Variants in KIR2DL1 observed in about 807,000 individuals in gnomAD.
The protein encoded by KIR2DL1 is killer cell immunoglobulin like receptor, two Ig domains and long cytoplasmic tail 1.
KIR2DL1 carries 38 observed loss-of-function variants against 33.9 expected under a neutral mutation model. That is an observed-to-expected ratio of 1.12 (90% confidence interval 0.86 to 1.47). KIR2DL1 has a LOEUF of 1.47. Among genes scored for constraint, KIR2DL1 ranks in the 40% most tolerant of loss-of-function variants. The probability of loss-of-function intolerance (pLI) is 0.00; values close to 1 mark genes in which losing one functional copy is unlikely to be tolerated. For missense variants in KIR2DL1, 531 were observed against 433.9 expected, an observed-to-expected ratio of 1.22 and a Z score of -1.99; for synonymous variants, 179 against 165.9, an observed-to-expected ratio of 1.08 and a Z score of -0.61.
Position 54,773,358 on chromosome 19 carries a change from G to A in KIR2DL1, c.96G>A (p.Leu32=). The change falls in exon 3 of 8, where the codon CTG becomes CTA. Residue 32 remains leucine, a synonymous_variant. Coordinates refer to ENST00000336077, the MANE Select transcript of KIR2DL1 (RefSeq NM_014218.3). ...HEGVHRKPSL[L]AHPGRLVKSE... Reference sequence around the variant, plus strand: ...GAGTCCACAGAAAACCTTCCCTCCTGGCCCACCCAGGTCGCCTGGTGAAAT... The same window carrying A: ...GAGTCCACAGAAAACCTTCCCTCCTAGCCCACCCAGGTCGCCTGGTGAAAT... 2 of 1,599,364 alleles carry A rather than the reference G, an allele frequency of 1.3e-6. No individual in the cohort carries two copies. Among genetic ancestry groups the A allele is most frequent in the South Asian group, 2.2e-5 (2 of 90,536 alleles).
intron 4 of KIR2DL1, among the ~76,000 whole-genome samples, chr19:54,777,578 C>A (rs1428285897): frequency 6.7e-6 from 1 of 149,284 alleles, no homozygotes; most frequent in Non-Finnish European, 1.5e-5. Context: ...TTAATCCCAT[C>A]TCAGATGCAT....
At chr19:54,774,298 G>A (rs1435330653) in intron 3 of KIR2DL1, among the ~76,000 whole-genome samples, 1 of 148,158 alleles carries the variant, frequency 6.7e-6, no homozygotes, top group African/African-American at 2.5e-5. Context: ...ATGAGCCAGA[G>A]GAAGGAGATT....
At chr19:54,773,163 G>A (rs948093081) in intron 2 of KIR2DL1, among the ~76,000 whole-genome samples, 170 bp from the exon 3 acceptor site, 1 of 148,454 alleles carries the variant, frequency 6.7e-6, no homozygotes, top group Non-Finnish European at 1.5e-5. Context: ...GAGTGAGGGA[G>A]ACAGATGGAA....
At position 54,775,358 on chromosome 19, in the gene KIR2DL1, C is replaced by T. The variant is rs2076204638; in HGVS notation, c.564C>T (p.Gly188=). 5.7e-6 allele frequency: 9 copies of T among 1,582,274 alleles called. No individual in the cohort carries two copies. Among genetic ancestry groups the T allele is most frequent in the African/African-American group, 4.1e-5 (3 of 73,938 alleles). ...CATTCCAGGCTGACTTTCCTCTGGG[C>T]CCTGCCACCCACGGAGGGACCTACA... The part of the protein sequence containing the change: ...NGTFQADFPL[G]PATHGGTYRC... Residue 188 remains glycine (G), a synonymous_variant, in exon 4 of 8, where the codon GGC becomes GGT. Coordinates refer to ENST00000336077, the MANE Select transcript of KIR2DL1 (RefSeq NM_014218.3).
Position 54,771,172 on chromosome 19 carries a change from G to A in KIR2DL1, c.70+288G>A, listed in dbSNP as rs1172051900. On this transcript the variant is annotated intron_variant, in intron 2 of 7. Transcript: ENST00000336077. ...AAAGGTGTTACTCACACACTTCAGCGTTTCCATGACGGTAGGGGCTGCAGT... is the reference window on the plus strand; with the variant it reads ...AAAGGTGTTACTCACACACTTCAGCATTTCCATGACGGTAGGGGCTGCAGT... 8.7e-5 allele frequency among the ~76,000 whole-genome samples: 13 copies of A among 148,690 alleles called. 2 individuals carry two copies. The East Asian group carries it at 9.7e-4, about 11-fold the overall frequency.
At chr19:54,777,681 C>T (rs1359791793) in intron 4 of KIR2DL1, among the ~76,000 whole-genome samples, 1 of 145,968 alleles carries the variant, frequency 6.9e-6, no homozygotes, top group African/African-American at 2.5e-5. Context: ...TTGAGGTAAT[C>T]CCAATGGTCT....
In KIR2DL1 at chr19:54,773,314, T is replaced by A. The variant is rs1371663272; in HGVS notation, c.71-19T>A. On this transcript the variant is annotated intron_variant, in intron 2 of 7. Transcript: ENST00000336077. ...TGATAAAGAGAGACACCTTCTAAAC[T>A]CACAACCTCTCTTCCTAGGAGTCCA... The A allele has an allele frequency of 6.3e-6, 10 of 1,590,116 alleles. 1 individual carries two copies. The highest frequency in any genetic ancestry group is 6.9e-6 in the Non-Finnish European group (8 of 1,165,568).
chr19:54,780,516 C>T (rs543972158), intron 5 of KIR2DL1, among the ~76,000 whole-genome samples: 2 of 143,396 alleles, frequency 1.4e-5, no homozygotes, highest in Non-Finnish European at 3.1e-5. Context: ...GTTTGACACT[C>T]ACAGCCATTG....
At chr19:54,781,749 C>T (rs1569237453) in intron 5 of KIR2DL1, among the ~76,000 whole-genome samples, 3 of 151,988 alleles carry the variant, frequency 2.0e-5, no homozygotes, top group African/African-American at 4.8e-5. Context: ...ATTTCCTGGC[C>T]GTTTGACATA....
intron 4 of KIR2DL1, among the ~76,000 whole-genome samples, chr19:54,777,454 G>A (rs1200512840): frequency 2.7e-5 from 4 of 149,216 alleles, no homozygotes; most frequent in African/African-American, 9.8e-5. Context: ...TTTCTCTGAT[G>A]ATGAGTGATA....
chr19:54,778,656 A>C lies in KIR2DL1; in HGVS notation c.709A>C (p.Lys237Gln), dbSNP rs597681. The change falls in exon 5 of 8, where the codon AAA (lysine) becomes CAA (glutamine). Residue 237 changes from lysine (K) to glutamine (Q), a missense_variant. By Grantham distance (53) the Lys-to-Gln change is moderately conservative. Transcript: ENST00000336077. ...GCCTTCACCCACTGAACCAAGCTCC[A>C]AAACCGGTGAGTACAGAACCCTCTT... ...SWPSPTEPSSKTGNPRHLHIL... is the reference protein window; with the variant it reads ...SWPSPTEPSSQTGNPRHLHIL... 3.5e-6 allele frequency: 5 copies of C among 1,410,552 alleles called. No individual in the cohort carries two copies. The East Asian group carries it at 9.9e-5, about 28-fold the overall frequency. The allele number at this position is 1,410,552 out of a possible 1,614,324, so 87.4% of individuals were successfully genotyped here.
intron 5 of KIR2DL1, chr19:54,780,039 C>G: frequency 2.2e-6 from 1 of 456,560 alleles, no homozygotes; most frequent in Non-Finnish European, 3.9e-6. Context: ...GCTGGGATTA[C>G]AGGCAACTGC....
chr19:54,770,525 G>A (rs1167267414), intron 1 of KIR2DL1, among the ~76,000 whole-genome samples: 1 of 146,166 alleles, frequency 6.8e-6, no homozygotes, highest in African/African-American at 2.5e-5. Flanking sequence ...GGCCTGGATT[G>A]GAGATATGGG....
chr19:54,779,093 A>C (rs149078439), intron 5 of KIR2DL1, among the ~76,000 whole-genome samples: 21,878 of 114,036 alleles, frequency 0.19, 162 homozygotes, highest in South Asian at 0.29. Context: ...CTCCGCAGAG[A>C]AAGAGCCTTG....
chr19:54,773,572 G>A lies in KIR2DL1; in HGVS notation c.310G>A (p.Val104Ile), dbSNP rs2076004420. The A allele has an allele frequency of 5.1e-6, 8 of 1,581,400 alleles. No homozygotes were observed. Among genetic ancestry groups the A allele is most frequent in the Non-Finnish European group, 6.9e-6 (8 of 1,154,078 alleles). The change falls in exon 3 of 8, where the codon GTT becomes ATT. Residue 104 changes from valine (V) to isoleucine (I), a missense_variant. Transcript: ENST00000336077. Reference sequence around the variant, plus strand: ...AGGGACCTACAGATGCTACGGTTCTGTTACTCACTCCCCCTATCAGGTGTC... The same window carrying A: ...AGGGACCTACAGATGCTACGGTTCTATTACTCACTCCCCCTATCAGGTGTC... ...LAGTYRCYGSVTHSPYQVSAP... is the reference protein window; with the variant it reads ...LAGTYRCYGSITHSPYQVSAP...
At chr19:54,782,409 G>A (rs368904841) in intron 5 of KIR2DL1, among the ~76,000 whole-genome samples, 7 of 152,006 alleles carry the variant, frequency 4.6e-5, no homozygotes, top group Admixed American at 3.9e-4. Context: ...TCTATTTCTC[G>A]TGACGGCCTC....
At chr19:54,783,390 C>A in intron 6 of KIR2DL1, 96 bp from the exon 7 acceptor site, 2 of 1,406,440 alleles carry the variant, frequency 1.4e-6, no homozygotes, top group Non-Finnish European at 2.0e-6. Flanking sequence ...GGGACCTCAG[C>A]CACCTATGGT....
intron 4 of KIR2DL1, among the ~76,000 whole-genome samples, 161 bp from the exon 5 acceptor site, chr19:54,778,451 A>C (rs1396725227): frequency 6.9e-6 from 1 of 145,868 alleles, no homozygotes; most frequent in African/African-American, 2.5e-5. Flanking sequence ...GTCTCAAGAC[A>C]GTGGGTGTCA....
At chr19:54,783,181 C>T (rs1293046434) in intron 6 of KIR2DL1, among the ~76,000 whole-genome samples, 158 bp downstream of exon 6, 3 of 151,768 alleles carry the variant, frequency 2.0e-5, no homozygotes, top group African/African-American at 7.2e-5. Context: ...ACTCCCTGTC[C>T]CTGCCTTCAA....
Sources: allele counts gnomAD v4.1 joint callset (sites outside exome capture counted in the v4.1 genomes callset), GRCh38; gene constraint gnomAD v4.1.1; transcripts MANE v1.5; gene names NCBI Gene and HGNC (gene_info 2026-07-23, HGNC 2026-07-21).